The following MUC3A variants were observed in gnomAD, a reference collection of about 807,000 sequenced individuals.
The protein encoded by MUC3A is mucin 3A, cell surface associated, also known as mucin-3A.
Under a neutral mutation model 109.0 loss-of-function variants are expected in MUC3A, and 109 were observed. The observed-to-expected ratio is 1.00, with a 90% confidence interval of 0.86 to 1.17. The LOEUF is 1.17. MUC3A is among the 50% of genes most tolerant of loss of function. MUC3A has a pLI of 0.00. For synonymous variants in MUC3A, 1,398 were observed against 981.4 expected, an observed-to-expected ratio of 1.42 and a Z score of -7.93; for missense variants, 3,537 against 2,469.4, an observed-to-expected ratio of 1.43 and a Z score of -9.16.
chr7:100,951,415 G>T (rs75323441), intron 1 of MUC3A, among the ~76,000 whole-genome samples: 2 of 145,482 alleles, frequency 1.4e-5, no homozygotes, highest in Admixed American at 1.4e-4. Flanking sequence ...AGGGTGCCGG[G>T]AGAAGCAGTG....
chr7:100,967,801 T>G lies in MUC3A; in HGVS notation c.*639T>G, dbSNP rs587761944. On this transcript the variant is annotated 3_prime_UTR_variant, in exon 12 of 12. Coordinates refer to ENST00000379458, the MANE Select transcript of MUC3A (RefSeq NM_005960.2). ...CTAAATCCTCCCTCCTCTCCTCACATCCTGGTCCCTAGCAAGGTATAGATA... is the reference window on the plus strand; with the variant it reads ...CTAAATCCTCCCTCCTCTCCTCACAGCCTGGTCCCTAGCAAGGTATAGATA... 5.1e-5 allele frequency: 7 copies of G among 137,134 alleles called. No homozygotes were observed. The highest frequency in any genetic ancestry group is 4.0e-4 in the South Asian group (2 of 5,018). 8.5% of individuals were successfully genotyped at this position (137,134 alleles called of 1,614,324 possible). A position where few individuals can be genotyped will look rare whatever the true frequency, so the allele number is the denominator to read the frequency against.
rs587736455 is a variant in MUC3A at position 100,965,595 on chromosome 7, A to G, written c.9449-109A>G. Reference sequence around the variant, plus strand: ...CCCAGGGTCTACCCCACAGCATCCCACCTCGGAAATGGAATCCTCCTCGCG... The same window carrying G: ...CCCAGGGTCTACCCCACAGCATCCCGCCTCGGAAATGGAATCCTCCTCGCG... On this transcript the variant is annotated intron_variant, in intron 7 of 11. Coordinates refer to ENST00000379458, the MANE Select transcript of MUC3A (RefSeq NM_005960.2). 267 of 1,516,300 alleles carry G rather than the reference A, an allele frequency of 1.8e-4. No individual in the cohort carries two copies. In the African/African-American group the frequency reaches 3.4e-3, roughly 19 times the overall value. The allele number at this position is 1,516,300 out of a possible 1,614,324, so 93.9% of individuals were successfully genotyped here. A position where few individuals can be genotyped will look rare whatever the true frequency, so the allele number is the denominator to read the frequency against.
chr7:100,958,520 G>T lies in MUC3A; in HGVS notation c.6741G>T (p.Glu2247Asp). 1.5e-6 allele frequency: 2 copies of T among 1,302,504 alleles called. No homozygotes were observed. The highest frequency in any genetic ancestry group is 1.2e-5 in the South Asian group (1 of 83,094). 80.7% of individuals were successfully genotyped at this position (1,302,504 alleles called of 1,614,324 possible). The change falls in exon 2 of 12, where the codon GAG (glutamate) becomes GAT (aspartate). Residue 2247 changes from glutamate to aspartate, a missense_variant. By Grantham distance (45) the Glu-to-Asp change is conservative. Transcript: ENST00000379458. ...TCACTTCTTCAATCACCACCACTGA[G>T]ACTACATCCCACAGTACTCCCAGCT... ...PGFTSSITTT[E>D]TTSHSTPSFT... is the part of the protein sequence containing the mutation.
In MUC3A at chr7:100,959,678, C is replaced by A; in HGVS notation, c.7899C>A (p.Ser2633Arg). 6.3e-7 allele frequency: 1 copy of A among 1,598,530 alleles called. No homozygotes were observed. The highest frequency in any genetic ancestry group is 8.5e-7 in the Non-Finnish European group (1 of 1,179,800). ...IVSTSQVPIPSTHSSTLQTTP... is the reference protein window; with the variant it reads ...IVSTSQVPIPRTHSSTLQTTP... Reference sequence around the variant, plus strand: ...CAACATCACAGGTTCCTATTCCTAGCACACATTCCTCCACCCTTCAAACAA... The same window carrying A: ...CAACATCACAGGTTCCTATTCCTAGAACACATTCCTCCACCCTTCAAACAA... Residue 2633 changes from serine (S) to arginine (R), a missense_variant, in exon 2 of 12, where the codon AGC (serine) becomes AGA (arginine). Transcript: ENST00000379458.
Position 100,966,565 on chromosome 7 carries a change from C to T in MUC3A, c.9785+6C>T, listed in dbSNP as rs760789523. The T allele has an allele frequency of 1.4e-5, 20 of 1,438,880 alleles. No homozygotes were observed. The highest frequency in any genetic ancestry group is 5.8e-5 in the African/African-American group (4 of 69,492). The allele number at this position is 1,438,880 out of a possible 1,614,324, so 89.1% of individuals were successfully genotyped here. A position where few individuals can be genotyped will look rare whatever the true frequency, so the allele number is the denominator to read the frequency against. On this transcript the variant is annotated splice_donor_region_variant and intron_variant, in intron 9 of 11. Coordinates refer to ENST00000379458, the MANE Select transcript of MUC3A (RefSeq NM_005960.2). ...GGCGGCCAGCGCCGAGGCCGGTGAG[C>T]GTGCGGGGGGCGGGGCCGGGGGGCG...
rs1387123084 is a variant in MUC3A, at chr7:100,959,530, T to A, written c.7751T>A (p.Leu2584Gln). ...PETPTQTPPV[L>Q]TSATGTQTSP... ...ACCCCAACACAGACCCCTCCTGTACTGACGTCAGCCACTGGGACCCAAACA... is the reference window on the plus strand; with the variant it reads ...ACCCCAACACAGACCCCTCCTGTACAGACGTCAGCCACTGGGACCCAAACA... The change falls in exon 2 of 12, where the codon CTG (leucine) becomes CAG (glutamine). Residue 2584 changes from leucine (L) to glutamine (Q), a missense_variant. Coordinates refer to ENST00000379458, the MANE Select transcript of MUC3A (RefSeq NM_005960.2). The A allele has an allele frequency of 5.0e-6, 8 of 1,590,982 alleles. No individual in the cohort carries two copies. In the East Asian group the frequency reaches 1.8e-4, roughly 36 times the overall value.
chr7:100,959,846 C>A lies in MUC3A; in HGVS notation c.8067C>A (p.Ile2689=). The A allele has an allele frequency of 6.4e-7, 1 of 1,570,298 alleles. No homozygotes were observed. The highest frequency in any genetic ancestry group is 8.6e-7 in the Non-Finnish European group (1 of 1,165,924). ...TIIWSSTPTI[I]MSSSPSSASI... Reference sequence around the variant, plus strand: ...TCTGGTCCTCAACACCCACTATTATCATGTCCTCTTCTCCATCTTCTGCCA... The same window carrying A: ...TCTGGTCCTCAACACCCACTATTATAATGTCCTCTTCTCCATCTTCTGCCA... The change falls in exon 2 of 12, where the codon ATC becomes ATA. Residue 2689 remains isoleucine, a synonymous_variant. Coordinates refer to ENST00000379458, the MANE Select transcript of MUC3A (RefSeq NM_005960.2).
At position 100,956,529 on chromosome 7, in the gene MUC3A, G is replaced by A. The variant is rs1197163382; in HGVS notation, c.4750G>A (p.Val1584Met). Residue 1584 changes from valine (V) to methionine (M), a missense_variant, in exon 2 of 12, where the codon GTG becomes ATG. By Grantham distance (21) the Val-to-Met change is conservative. Transcript: ENST00000379458. ...ACCAACAACTATTACTCCCTCATCCGTGGGCATCAGTGGTTCATTACCTAT... is the reference window on the plus strand; with the variant it reads ...ACCAACAACTATTACTCCCTCATCCATGGGCATCAGTGGTTCATTACCTAT... The part of the protein sequence containing the change: ...SQPTTITPSS[V>M]GISGSLPMMT... 46 of 451,650 alleles carry A rather than the reference G, an allele frequency of 1.0e-4. No homozygotes were observed. Among genetic ancestry groups the A allele is most frequent in the Non-Finnish European group, 1.6e-4 (42 of 258,030 alleles). The allele number at this position is 451,650 out of a possible 1,614,324, so 28.0% of individuals were successfully genotyped here.
In MUC3A at chr7:100,960,657, T is replaced by G. The variant is rs1219651161; in HGVS notation, c.8866+12T>G. On this transcript the variant is annotated intron_variant, in intron 2 of 11. Coordinates refer to ENST00000379458, the MANE Select transcript of MUC3A (RefSeq NM_005960.2). Reference sequence around the variant, plus strand: ...GACCACCACTGCAGGTTGGACCTTCTGCCTCTCTGTTCCCCTCCTTCCTCC... The same window carrying G: ...GACCACCACTGCAGGTTGGACCTTCGGCCTCTCTGTTCCCCTCCTTCCTCC... 1.3e-6 allele frequency: 2 copies of G among 1,595,778 alleles called. No individual in the cohort carries two copies. The highest frequency in any genetic ancestry group is 1.7e-6 in the Non-Finnish European group (2 of 1,178,120).
chr7:100,966,330 A>G (rs1453185041), intron 8 of MUC3A, 56 bp from the exon 9 acceptor site: 8 of 1,263,084 alleles, frequency 6.3e-6, no homozygotes, highest in Middle Eastern at 2.9e-4. Context: ...GCCCAGGTGC[A>G]CGGGTGGACC....
rs1252738640 is a variant in MUC3A at position 100,966,546 on chromosome 7, C to G, written c.9772C>G (p.Gln3258Glu). The part of the protein sequence containing the change: ...RAVRSGWWGG[Q>E]RRGRSWDQDR... Reference sequence around the variant, plus strand: ...GGTGCGCTCCGGATGGTGGGGCGGCCAGCGCCGAGGCCGGTGAGCGTGCGG... The same window carrying G: ...GGTGCGCTCCGGATGGTGGGGCGGCGAGCGCCGAGGCCGGTGAGCGTGCGG... The change falls in exon 9 of 12, where the codon CAG becomes GAG. Residue 3258 changes from glutamine (Q) to glutamate (E), a missense_variant. By Grantham distance (29) the Gln-to-Glu change is conservative (BLOSUM62 2). Coordinates refer to ENST00000379458, the MANE Select transcript of MUC3A (RefSeq NM_005960.2). The G allele has an allele frequency of 1.9e-5, 27 of 1,395,776 alleles. No individual in the cohort carries two copies. The highest frequency in any genetic ancestry group is 2.2e-5 in the Non-Finnish European group (24 of 1,086,740). 86.5% of individuals were successfully genotyped at this position (1,395,776 alleles called of 1,614,324 possible).
Position 100,952,422 on chromosome 7 carries a change from T to A in MUC3A, c.643T>A (p.Phe215Ile). ...PSSVSATDTTFHTTISSTTRT... is the reference protein window; with the variant it reads ...PSSVSATDTTIHTTISSTTRT... ...CTCTGTGTCAGCCACAGACACAACC[T>A]TCCACACTACAATCTCGTCTACAAC... Residue 215 changes from phenylalanine to isoleucine, a missense_variant, in exon 2 of 12, where the codon TTC (phenylalanine) becomes ATC (isoleucine). Phe to Ile is a conservative substitution (Grantham distance 21). Coordinates refer to ENST00000379458, the MANE Select transcript of MUC3A (RefSeq NM_005960.2). The A allele has an allele frequency of 1.3e-6, 2 of 1,598,604 alleles. No individual in the cohort carries two copies. The highest frequency in any genetic ancestry group is 1.7e-6 in the Non-Finnish European group (2 of 1,179,804).
Position 100,959,628 on chromosome 7 carries a change from T to A in MUC3A, c.7849T>A (p.Ser2617Thr), listed in dbSNP as rs1204791721. 1 of 1,598,494 alleles carries A rather than the reference T, an allele frequency of 6.3e-7. No homozygotes were observed. The highest frequency in any genetic ancestry group is 8.5e-7 in the Non-Finnish European group (1 of 1,179,764). ...STSTLHTLTPSTALSTIVSTS... is the reference protein window; with the variant it reads ...STSTLHTLTPTTALSTIVSTS... ...GTCCACTCTTCATACTCTTACTCCA[T>A]CAACAGCCTTGAGCACGATCGTGTC... Residue 2617 changes from serine to threonine, a missense_variant, in exon 2 of 12, where the codon TCA becomes ACA. Ser to Thr is a moderately conservative substitution (Grantham distance 58). Coordinates refer to ENST00000379458, the MANE Select transcript of MUC3A (RefSeq NM_005960.2).
Position 100,953,375 on chromosome 7 carries a change from A to T in MUC3A, c.1596A>T (p.Thr532=), listed in dbSNP as rs1329236080. 3.0e-6 allele frequency: 1 copy of T among 337,370 alleles called. No individual in the cohort carries two copies. 20.9% of individuals were successfully genotyped at this position (337,370 alleles called of 1,614,324 possible). ...CCCTCCTGACGACCTTCCCAGCAACATATTCATTTTCATCTTCCATGTCTG... is the reference window on the plus strand; with the variant it reads ...CCCTCCTGACGACCTTCCCAGCAACTTATTCATTTTCATCTTCCATGTCTG... ...TSSLLTTFPA[T]YSFSSSMSAS... Residue 532 remains threonine (T), a synonymous_variant, in exon 2 of 12, where the codon ACA becomes ACT. Coordinates refer to ENST00000379458, the MANE Select transcript of MUC3A (RefSeq NM_005960.2).
intron 5 of MUC3A, chr7:100,964,036 C>T (rs1792434881): frequency 5.1e-6 from 3 of 591,358 alleles, no homozygotes; most frequent in South Asian, 2.0e-5. Flanking sequence ...CTGGCTGGCC[C>T]CTGCTCTACT....
At position 100,967,194 on chromosome 7, in the gene MUC3A, C is replaced by T. The variant is rs1260802186; in HGVS notation, c.*32C>T. 2 of 1,598,286 alleles carry T rather than the reference C, an allele frequency of 1.3e-6. No individual in the cohort carries two copies. Among genetic ancestry groups the T allele is most frequent in the Non-Finnish European group, 1.7e-6 (2 of 1,179,788 alleles). Reference sequence around the variant, plus strand: ...CGGGGCCCCTTCACCACCCCCTCCGCCCTGCCCCGGACACAAGGGTCTGCA... The same window carrying T: ...CGGGGCCCCTTCACCACCCCCTCCGTCCTGCCCCGGACACAAGGGTCTGCA... On this transcript the variant is annotated 3_prime_UTR_variant, in exon 12 of 12. Transcript: ENST00000379458.
intron 8 of MUC3A, 76 bp from the exon 9 acceptor site, chr7:100,966,310 C>T: frequency 3.4e-6 from 4 of 1,186,846 alleles, no homozygotes; most frequent in Non-Finnish European, 3.1e-6. Flanking sequence ...CCCTCACCCG[C>T]CCCCGCGGGG....
rs775633614 is a variant in MUC3A at position 100,958,839 on chromosome 7, A to G, written c.7060A>G (p.Ser2354Gly). 8.4e-6 allele frequency: 13 copies of G among 1,547,002 alleles called. No individual in the cohort carries two copies. The South Asian group carries it at 1.3e-4, about 16-fold the overall frequency. ...CACCACCACCGAGACCAACTCTCAC[A>G]GTACTACCAGCTTCACTTCTTCGAT... ...SITTTETNSH[S>G]TTSFTSSITT... Residue 2354 changes from serine (S) to glycine (G), a missense_variant, in exon 2 of 12, where the codon AGT (serine) becomes GGT (glycine). Physicochemically the swap from Ser to Gly is moderately conservative, Grantham distance 56. Transcript: ENST00000379458.
Position 100,968,081 on chromosome 7 carries a change from G to C in MUC3A, c.*919G>C, listed in dbSNP as rs116477582. 774 of 143,372 alleles carry C rather than the reference G, an allele frequency of 5.4e-3. No homozygotes were observed. The highest frequency in any genetic ancestry group is 0.022 in the African/African-American group (734 of 33,208). 8.9% of individuals were successfully genotyped at this position (143,372 alleles called of 1,614,324 possible). A position where few individuals can be genotyped will look rare whatever the true frequency, so the allele number is the denominator to read the frequency against. On this transcript the variant is annotated 3_prime_UTR_variant, in exon 12 of 12. Coordinates refer to ENST00000379458, the MANE Select transcript of MUC3A (RefSeq NM_005960.2). ...GTGGGGGCAGGGCATGAGTTCCCCAGTCCCCAAGGAAAGGCAGCCCCCTCA... is the reference window on the plus strand; with the variant it reads ...GTGGGGGCAGGGCATGAGTTCCCCACTCCCCAAGGAAAGGCAGCCCCCTCA...
Sources: gnomAD v4.1 joint callset for allele counts (sites outside exome capture counted in the v4.1 genomes callset) on GRCh38, gnomAD v4.1.1 for gene constraint, MANE v1.5 for transcripts, NCBI Gene and HGNC (gene_info 2026-07-23, HGNC 2026-07-21) for gene names.